Variants in SINHCAF observed in about 807,000 individuals in gnomAD.
SINHCAF encodes SIN3-HDAC complex-associated factor.
SINHCAF carries 3 observed loss-of-function variants against 25.8 expected under a neutral mutation model. The observed-to-expected ratio is 0.12, with a 90% CI of 0.05 to 0.30. The LOEUF is 0.30. Ranked by LOEUF, SINHCAF falls within the 10% of genes least tolerant of loss-of-function variation. The pLI is 1.00. For missense variants in SINHCAF, 121 were observed against 262.3 expected, an observed-to-expected ratio of 0.46 and a Z score of 3.72; for synonymous variants, 70 against 85.5, an observed-to-expected ratio of 0.82 and a Z score of 1.00.
chr12:31,309,027 C>A (rs1939148375), intron 1 of SINHCAF, among the ~76,000 whole-genome samples: 1 of 149,338 alleles, frequency 6.7e-6, no homozygotes, highest in Non-Finnish European at 1.5e-5. Context: ...ACCTGGCAGG[C>A]TGAGGCAGGA....
At chr12:31,302,888 A>G in intron 1 of SINHCAF, 1 of 966,678 alleles carries the variant, frequency 1.0e-6, no homozygotes, top group Non-Finnish European at 1.2e-6. Context: ...AACAAACTCC[A>G]GTTACAAATG....
Position 31,281,358 on chromosome 12 carries a change from C to A in SINHCAF, c.*1354G>T, listed in dbSNP as rs938707064. 1.1e-4 allele frequency: 17 copies of A among 152,184 alleles called. No homozygotes were observed. Among genetic ancestry groups the A allele is most frequent in the African/African-American group, 4.1e-4 (17 of 41,436 alleles). 9.4% of individuals were successfully genotyped at this position (152,184 alleles called of 1,614,324 possible). ...CAAAACCATTTAATGTGAACACAAA[C>A]CTCTTTTCTTTTAGTAAGTTTTACT... On this transcript the variant is annotated 3_prime_UTR_variant, in exon 6 of 6. Coordinates refer to ENST00000337682, the MANE Select transcript of SINHCAF (RefSeq NM_001135812.2).
At chr12:31,286,908 G>GGTTT (rs368993075) in intron 5 of SINHCAF, among the ~76,000 whole-genome samples, 1,724 of 152,136 alleles carry the variant, frequency 0.011, 41 homozygotes, top group African/African-American at 0.039. Context: ...TGCCTATTGT[G>GGTTT]GTTTGTTTGT....
At chr12:31,296,859 C>G (rs1938571359) in intron 2 of SINHCAF, 2 of 294,720 alleles carry the variant, frequency 6.8e-6, no homozygotes, top group Admixed American at 8.7e-5. Context: ...CTGTCTCAAA[C>G]AAACCAACAA....
intron 1 of SINHCAF, among the ~76,000 whole-genome samples, chr12:31,319,905 G>C (rs1939635059): frequency 6.6e-6 from 1 of 151,882 alleles, no homozygotes; most frequent in South Asian, 2.1e-4. Flanking sequence ...TACCTATCTT[G>C]GTTGTCATCC....
chr12:31,281,655 G>C lies in SINHCAF; in HGVS notation c.*1057C>G, dbSNP rs1937799937. ...GAAGACTTGCACATTTTATTTTTCA[G>C]ATAGCTTAACATTTTTAATCGAGTG... On this transcript the variant is annotated 3_prime_UTR_variant, in exon 6 of 6. Coordinates refer to ENST00000337682, the MANE Select transcript of SINHCAF (RefSeq NM_001135812.2). The C allele has an allele frequency of 6.6e-6, 1 of 152,202 alleles. No homozygotes were observed. The highest frequency in any genetic ancestry group is 1.5e-5 in the Non-Finnish European group (1 of 68,036). The allele number at this position is 152,202 out of a possible 1,614,324, so 9.4% of individuals were successfully genotyped here.
chr12:31,316,155 A>G (rs998818515), intron 1 of SINHCAF, among the ~76,000 whole-genome samples: 1 of 152,116 alleles, frequency 6.6e-6, no homozygotes, highest in Non-Finnish European at 1.5e-5. Context: ...TGGGGACAAG[A>G]GCAAAAATTC....
intron 1 of SINHCAF, among the ~76,000 whole-genome samples, chr12:31,319,998 T>G (rs1939638497): frequency 6.6e-6 from 1 of 152,162 alleles, no homozygotes; most frequent in Non-Finnish European, 1.5e-5. Context: ...TATTGTGAAG[T>G]CCTTAGAAAT....
At chr12:31,306,985 T>C (rs976350512) in intron 1 of SINHCAF, among the ~76,000 whole-genome samples, 7 of 152,198 alleles carry the variant, frequency 4.6e-5, no homozygotes, top group African/African-American at 1.7e-4. Context: ...GTAAGATACA[T>C]CTGTAAACCA....
At chr12:31,301,873 T>C (rs1938811912) in intron 1 of SINHCAF, among the ~76,000 whole-genome samples, 1 of 152,224 alleles carries the variant, frequency 6.6e-6, no homozygotes, top group South Asian at 2.1e-4. Context: ...AACTTGATTT[T>C]AAACTGGAGA....
chr12:31,296,864 C>CAACA, intron 2 of SINHCAF: 1 of 296,182 alleles, frequency 3.4e-6, no homozygotes, highest in South Asian at 2.9e-5. Flanking sequence ...TCAAACAAAC[C>CAACA]AACAAACAAA....
At position 31,282,717 on chromosome 12, in the gene SINHCAF, A is replaced by C; in HGVS notation, c.661T>G (p.Trp221Gly). Residue 221 changes from tryptophan (W) to glycine (G), a missense_variant, in exon 6 of 6, where the codon TGG becomes GGG. Physicochemically the swap from Trp to Gly is radical, Grantham distance 184. Coordinates refer to ENST00000337682, the MANE Select transcript of SINHCAF (RefSeq NM_001135812.2). ...PEPLPISTQE[W>G] ...CTTCTACATAAAAACCTCAGTCACC[A>C]CTCCTGAGTGGAGATGGGCAGAGGC... 6.4e-7 allele frequency: 1 copy of C among 1,567,034 alleles called. No individual in the cohort carries two copies. The highest frequency in any genetic ancestry group is 8.6e-7 in the Non-Finnish European group (1 of 1,163,860).
intron 1 of SINHCAF, among the ~76,000 whole-genome samples, chr12:31,312,592 C>T (rs1354033906): frequency 2.6e-5 from 4 of 152,096 alleles, no homozygotes; most frequent in Non-Finnish European, 5.9e-5. Context: ...TAAGCATTTC[C>T]CTGATTCCAA....
chr12:31,297,655 T>G (rs1234561036), intron 2 of SINHCAF, among the ~76,000 whole-genome samples: 1 of 151,708 alleles, frequency 6.6e-6, no homozygotes, highest in Non-Finnish European at 1.5e-5. Flanking sequence ...GTATTTTTAG[T>G]AGAGATGGGG....
chr12:31,289,188 A>T (rs895809518), intron 4 of SINHCAF, among the ~76,000 whole-genome samples: 1 of 152,132 alleles, frequency 6.6e-6, no homozygotes, highest in African/African-American at 2.4e-5. Flanking sequence ...ATACATCTAC[A>T]TTCATGTCAT....
At chr12:31,315,405 G>C (rs1008291254) in intron 1 of SINHCAF, among the ~76,000 whole-genome samples, 1 of 152,146 alleles carries the variant, frequency 6.6e-6, no homozygotes, top group Non-Finnish European at 1.5e-5. Context: ...AAACCCAAGG[G>C]GTCAGCTTTA....
rs1939290294 is a variant in SINHCAF at position 31,312,038 on chromosome 12, A to G, written c.-20-13814T>C. ...AAGGAGAAGTAACTTTTGATCAGAAAGAGGATGGTACCAGCAGTCTACAGG... is the reference window on the plus strand; with the variant it reads ...AAGGAGAAGTAACTTTTGATCAGAAGGAGGATGGTACCAGCAGTCTACAGG... On this transcript the variant is annotated intron_variant, in intron 1 of 5. Coordinates refer to ENST00000337682, the MANE Select transcript of SINHCAF (RefSeq NM_001135812.2). 1.0e-5 allele frequency: 6 copies of G among 592,124 alleles called. No homozygotes were observed. In the Admixed American group the frequency reaches 1.2e-4, roughly 12 times the overall value. 36.7% of individuals were successfully genotyped at this position (592,124 alleles called of 1,614,324 possible).
chr12:31,315,444 A>C lies in SINHCAF; in HGVS notation c.-21+10580T>G, dbSNP rs566546323. On this transcript the variant is annotated intron_variant, in intron 1 of 5. Coordinates refer to ENST00000337682, the MANE Select transcript of SINHCAF (RefSeq NM_001135812.2). ...TGTAGGCAGTGGTTTAATTATGCAT[A>C]TGTCCAAACTGCAGCCATCTTGGAC... Among the ~76,000 whole-genome samples, 5 of 152,358 alleles carry C rather than the reference A, an allele frequency of 3.3e-5. No homozygotes were observed. In the South Asian group the frequency reaches 1.0e-3, roughly 32 times the overall value.
chr12:31,294,298 A>G (rs1938457067), intron 3 of SINHCAF, among the ~76,000 whole-genome samples: 1 of 152,214 alleles, frequency 6.6e-6, no homozygotes, highest in South Asian at 2.1e-4. Context: ...TACTTTTTAT[A>G]TTTAGTACAA....
Sources: allele counts gnomAD v4.1 joint callset (sites outside exome capture counted in the v4.1 genomes callset), GRCh38; gene constraint gnomAD v4.1.1; transcripts MANE v1.5; gene names NCBI Gene and HGNC (gene_info 2026-07-23, HGNC 2026-07-21).